RNF130: variants seen among roughly 807,000 people sequenced by gnomAD.
The protein encoded by RNF130 is E3 ubiquitin-protein ligase RNF130.
In RNF130, 21 loss-of-function variants were observed where a neutral mutation model predicts 44.6. That is an observed-to-expected ratio of 0.47 (90% CI 0.33 to 0.68). The LOEUF is 0.68. Among genes scored for constraint, RNF130 ranks in the 30% least tolerant of loss-of-function variants. RNF130 has a pLI of 0.02. For missense variants in RNF130, 479 were observed against 560.6 expected (o/e 0.85, Z 1.47); for synonymous variants, 214 against 210.4 (o/e 1.02, Z -0.15).
chr5:180,000,150 T>G (rs1342021120), intron 3 of RNF130, among the ~76,000 whole-genome samples: 4 of 152,256 alleles, frequency 2.6e-5, no homozygotes, highest in Non-Finnish European at 4.4e-5. Context: ...TCACCCCCAT[T>G]TCTGAAGGAT....
At chr5:179,946,781 C>T (rs1368390484) in intron 7 of RNF130, among the ~76,000 whole-genome samples, 1 of 152,156 alleles carries the variant, frequency 6.6e-6, no homozygotes, top group Non-Finnish European at 1.5e-5. Flanking sequence ...GTCTCGATCT[C>T]CTGACCTCGT....
chr5:180,049,197 C>T (rs900138631), intron 1 of RNF130, among the ~76,000 whole-genome samples: 4 of 152,176 alleles, frequency 2.6e-5, no homozygotes, highest in Non-Finnish European at 5.9e-5. Context: ...TTTCCAAGCG[C>T]TTTGACACAG....
rs370969099 is a variant in RNF130 at position 180,008,809 on chromosome 5, G to A, written c.693+4252C>T. On this transcript the variant is annotated intron_variant, in intron 3 of 8. Transcript: ENST00000521389. The stretch of plus-strand genomic sequence containing the variant: ...AGAGGTCAGAGAATCACTTGAACCC[G>A]GGAGGTGGAGGTTGCAGTGAGCTGA... 2.0e-4 allele frequency among the ~76,000 whole-genome samples: 30 copies of A among 152,146 alleles called. 1 individual carries two copies. Among genetic ancestry groups the A allele is most frequent in the African/African-American group, 7.2e-4 (30 of 41,512 alleles).
At chr5:179,970,544 C>T in intron 5 of RNF130, 38 bp from the exon 6 acceptor site, 2 of 1,496,310 alleles carry the variant, frequency 1.3e-6, no homozygotes, top group African/African-American at 1.4e-5. Flanking sequence ...AAGTTACATA[C>T]CAAGAAACTT....
chr5:179,987,570 T>G (rs1762984116), intron 3 of RNF130, among the ~76,000 whole-genome samples: 2 of 152,222 alleles, frequency 1.3e-5, no homozygotes, highest in African/African-American at 4.8e-5. Flanking sequence ...CTTGAACCAG[T>G]TCTTAAAGGA....
chr5:179,964,807 C>G (rs1046580062), intron 7 of RNF130, among the ~76,000 whole-genome samples: 1 of 152,164 alleles, frequency 6.6e-6, no homozygotes, highest in African/African-American at 2.4e-5. Context: ...CTTAGTAAAC[C>G]CCTATCTTTT....
At chr5:179,948,854 G>A (rs1427345598) in intron 7 of RNF130, among the ~76,000 whole-genome samples, 1 of 151,634 alleles carries the variant, frequency 6.6e-6, no homozygotes, top group Non-Finnish European at 1.5e-5. Context: ...GGCTAAGACT[G>A]CCTTAAGCTG....
chr5:179,974,100 A>C (rs1423915296), intron 5 of RNF130, among the ~76,000 whole-genome samples: 1 of 152,122 alleles, frequency 6.6e-6, no homozygotes, highest in African/African-American at 2.4e-5. Context: ...GCCATGTAAG[A>C]ACCTGGCAAA....
intron 2 of RNF130, among the ~76,000 whole-genome samples, chr5:180,024,698 C>T (rs146844835): frequency 2.1e-4 from 32 of 152,254 alleles, no homozygotes; most frequent in African/African-American, 6.3e-4. Flanking sequence ...TGACACCAAA[C>T]GGAAACTTGG....
chr5:179,990,486 G>C (rs983950944), intron 3 of RNF130, among the ~76,000 whole-genome samples: 1 of 152,244 alleles, frequency 6.6e-6, no homozygotes, highest in Non-Finnish European at 1.5e-5. Context: ...CAGCATCACA[G>C]GGAGATGGTT....
chr5:180,070,893 G>A (rs1242126785), intron 1 of RNF130, among the ~76,000 whole-genome samples: 1 of 152,030 alleles, frequency 6.6e-6, no homozygotes, highest in East Asian at 1.9e-4. Flanking sequence ...CTCATAATGT[G>A]ACATTTTCAG....
At chr5:180,042,641 C>A (rs1039918928) in intron 1 of RNF130, among the ~76,000 whole-genome samples, 1 of 152,208 alleles carries the variant, frequency 6.6e-6, no homozygotes, top group Non-Finnish European at 1.5e-5. Context: ...AATACTGTAT[C>A]CAAACGGGGA....
At chr5:180,047,791 G>T (rs1223295088) in intron 1 of RNF130, among the ~76,000 whole-genome samples, 1 of 152,054 alleles carries the variant, frequency 6.6e-6, no homozygotes, top group African/African-American at 2.4e-5. Flanking sequence ...TCTCCAAACT[G>T]GCCTGCCCCA....
chr5:179,952,813 T>A (rs1284770038), downstream of RNF130, among the ~76,000 whole-genome samples: 1 of 152,144 alleles, frequency 6.6e-6, no homozygotes, highest in Non-Finnish European at 1.5e-5. Flanking sequence ...AAACGTTCAA[T>A]AAGCTAGAAA....
At position 179,973,125 on chromosome 5, in the gene RNF130, T is replaced by C. The variant is rs558865473; in HGVS notation, c.849-2619A>G. 3.1e-4 allele frequency among the ~76,000 whole-genome samples: 47 copies of C among 152,292 alleles called. No homozygotes were observed. The Middle Eastern group carries it at 0.014, about 44-fold the overall frequency. On this transcript the variant is annotated intron_variant, in intron 5 of 8. Transcript: ENST00000521389. ...CCTCTCTTACTCCTGACCCTACCTC[T>C]GAGCACTGAACACCCTTCCCTCCTG...
intron 7 of RNF130, among the ~76,000 whole-genome samples, chr5:179,937,559 G>T (rs181176549): frequency 2.4e-4 from 36 of 152,342 alleles, no homozygotes; most frequent in Admixed American, 2.2e-3. Context: ...GATAACAAGT[G>T]TTGGCAAGGA....
At position 179,978,241 on chromosome 5, in the gene RNF130, G is replaced by GCT; in HGVS notation, c.808_809dup (p.Ser270ArgfsTer41). 6.2e-7 allele frequency: 1 copy of GCT among 1,614,044 alleles called. No individual in the cohort carries two copies. Among genetic ancestry groups the GCT allele is most frequent in the Non-Finnish European group, 8.5e-7 (1 of 1,179,900 alleles). On this transcript the variant is annotated frameshift_variant, in exon 5 of 9. Coordinates refer to ENST00000521389, the MANE Select transcript of RNF130 (RefSeq NM_018434.6). LOFTEE classifies it high-confidence loss of function. Reference sequence around the variant, plus strand: ...TTCGGACGACATCATTCTGCTTATAGCTCTCTATGCAGACTGCACAATGAT... The same window carrying GCT: ...TTCGGACGACATCATTCTGCTTATAGCTCTCTCTATGCAGACTGCACAATGAT...
At chr5:180,039,044 T>C (rs79347818) in intron 2 of RNF130, among the ~76,000 whole-genome samples, 1,846 of 152,318 alleles carry the variant, frequency 0.012, 35 homozygotes, top group African/African-American at 0.042. Context: ...TCCACATAGA[T>C]GTCCAGCTAA....
intron 1 of RNF130, among the ~76,000 whole-genome samples, chr5:180,042,398 G>T (rs1764440845): frequency 6.6e-6 from 1 of 152,092 alleles, no homozygotes; most frequent in Non-Finnish European, 1.5e-5. Context: ...TTCCTTAAAA[G>T]GTTTCTGCAC....
Sources: gnomAD v4.1 joint callset for allele counts (sites outside exome capture counted in the v4.1 genomes callset) on GRCh38, gnomAD v4.1.1 for gene constraint, MANE v1.5 for transcripts, NCBI Gene and HGNC (gene_info 2026-07-23, HGNC 2026-07-21) for gene names.